ZNF512: variants seen among roughly 807,000 people sequenced by gnomAD.
The protein encoded by ZNF512 is zinc finger protein 512.
ZNF512 carries 25 observed loss-of-function variants against 77.5 expected under a neutral mutation model. The ratio of observed to expected loss-of-function variants is 0.32; its 90% CI spans 0.23 to 0.45. The LOEUF (loss-of-function observed/expected upper bound fraction) is 0.45. Ranked by LOEUF, ZNF512 falls within the 20% of genes least tolerant of loss-of-function variation. The probability of loss-of-function intolerance (pLI) is 1.00; values close to 1 mark genes in which losing one functional copy is unlikely to be tolerated. For missense variants in ZNF512, 483 were observed against 692.6 expected (o/e 0.70, Z 3.40); for synonymous variants, 246 against 239.9 (o/e 1.03, Z -0.24).
intron 2 of ZNF512, among the ~76,000 whole-genome samples, chr2:27,587,531 C>T (rs1279751956): frequency 6.6e-6 from 1 of 151,952 alleles, no homozygotes; most frequent in East Asian, 1.9e-4. Flanking sequence ...CCCACCTTGG[C>T]CTCCCAAAGT....
intron 10 of ZNF512, among the ~76,000 whole-genome samples, chr2:27,610,516 G>T (rs1285803104): frequency 8.3e-6 from 1 of 120,388 alleles, no homozygotes; most frequent in Non-Finnish European, 1.6e-5. Context: ...ATATATGTGT[G>T]TATATGTGTG....
rs748743507 is a variant in ZNF512, at chr2:27,603,157, C to T, written c.786C>T (p.Phe262=). 2.5e-6 allele frequency: 4 copies of T among 1,614,046 alleles called. No individual in the cohort carries two copies. Among genetic ancestry groups the T allele is most frequent in the African/African-American group, 1.3e-5 (1 of 74,932 alleles). ...RCMRESCSSS[F]TSIMGYLYHV... is the part of the protein sequence containing the mutation. Reference sequence around the variant, plus strand: ...CTGTTCAGAGTTGCTCCAGTAGCTTCACCAGCATCATGGGATATCTCTACC... The same window carrying T: ...CTGTTCAGAGTTGCTCCAGTAGCTTTACCAGCATCATGGGATATCTCTACC... Residue 262 remains phenylalanine, a synonymous_variant, in exon 9 of 14, where the codon TTC becomes TTT. Coordinates refer to ENST00000355467, the MANE Select transcript of ZNF512 (RefSeq NM_032434.4).
At chr2:27,619,341 T>C (rs1673026811) in intron 13 of ZNF512, among the ~76,000 whole-genome samples, 1 of 152,006 alleles carries the variant, frequency 6.6e-6, no homozygotes. Context: ...AGACGGAGGT[T>C]GCAGTGAGCC....
chr2:27,615,379 A>G lies in ZNF512; in HGVS notation c.1233+110A>G, dbSNP rs188159321. 2.9e-5 allele frequency: 19 copies of G among 650,248 alleles called. No individual in the cohort carries two copies. The Admixed American group carries it at 4.4e-4, about 15-fold the overall frequency. 40.3% of individuals were successfully genotyped at this position (650,248 alleles called of 1,614,324 possible). A position where few individuals can be genotyped will look rare whatever the true frequency, so the allele number is the denominator to read the frequency against. On this transcript the variant is annotated intron_variant, in intron 11 of 13. Transcript: ENST00000355467. Reference sequence around the variant, plus strand: ...ACCTGAACCTCAGTGGCTTAAAACAATTATTTTATTTGTTCACAATTCCAT... The same window carrying G: ...ACCTGAACCTCAGTGGCTTAAAACAGTTATTTTATTTGTTCACAATTCCAT...
chr2:27,592,233 T>G (rs1403003826), intron 2 of ZNF512, among the ~76,000 whole-genome samples: 3 of 152,182 alleles, frequency 2.0e-5, no homozygotes, highest in Non-Finnish European at 2.9e-5. Context: ...TCAAGGGATC[T>G]GCCTGCCTCA....
chr2:27,583,914 G>A (rs1671223133), intron 2 of ZNF512, among the ~76,000 whole-genome samples, 198 bp downstream of exon 2: 1 of 147,422 alleles, frequency 6.8e-6, no homozygotes, highest in South Asian at 2.3e-4. Context: ...AAGTGAGTGA[G>A]GTTTTTCTAA....
At chr2:27,604,124 A>C (rs977749228) in intron 9 of ZNF512, among the ~76,000 whole-genome samples, 1 of 151,698 alleles carries the variant, frequency 6.6e-6, no homozygotes, top group African/African-American at 2.4e-5. Context: ...ACGGGGTTTC[A>C]CCATGTTGGC....
intron 7 of ZNF512, 104 bp downstream of exon 7, chr2:27,601,546 C>T (rs1282062240): frequency 3.4e-6 from 3 of 893,536 alleles, no homozygotes; most frequent in African/African-American, 3.4e-5. Flanking sequence ...ACGATCTCGG[C>T]TTACTGCAAC....
chr2:27,590,966 A>AT (rs1271372261), intron 2 of ZNF512, among the ~76,000 whole-genome samples: 3 of 152,216 alleles, frequency 2.0e-5, no homozygotes, highest in Non-Finnish European at 4.4e-5. Context: ...TTCTTAGGAT[A>AT]TTTTCACTGA....
At chr2:27,593,367 G>A (rs915725319) in intron 2 of ZNF512, among the ~76,000 whole-genome samples, 3 of 147,298 alleles carry the variant, frequency 2.0e-5, no homozygotes, top group South Asian at 4.3e-4. Flanking sequence ...ACTCCAGCCT[G>A]AGTGACAGAG....
At chr2:27,620,357 C>CT (rs1394135443) in intron 13 of ZNF512, among the ~76,000 whole-genome samples, 1 of 152,188 alleles carries the variant, frequency 6.6e-6, no homozygotes, top group African/African-American at 2.4e-5. Context: ...GCTTCCTCTT[C>CT]TTTTTTACAA....
chr2:27,587,077 T>C (rs1671362059), intron 2 of ZNF512, among the ~76,000 whole-genome samples: 1 of 152,192 alleles, frequency 6.6e-6, no homozygotes, highest in South Asian at 2.1e-4. Context: ...TTGATAAATA[T>C]CTAAGATGGT....
chr2:27,585,069 G>A (rs1408652308), intron 2 of ZNF512, among the ~76,000 whole-genome samples: 2 of 152,192 alleles, frequency 1.3e-5, no homozygotes, highest in Non-Finnish European at 2.9e-5. Flanking sequence ...CAGGGAATAC[G>A]TAGGGAACAA....
At chr2:27,607,665 GC>G (rs1321802767) in intron 9 of ZNF512, among the ~76,000 whole-genome samples, 179 bp from the exon 10 acceptor site, 1 of 152,152 alleles carries the variant, frequency 6.6e-6, no homozygotes, top group Non-Finnish European at 1.5e-5. Flanking sequence ...ACCACGCCTG[GC>G]CCTAAGAAGC....
intron 2 of ZNF512, among the ~76,000 whole-genome samples, chr2:27,594,759 C>G (rs1671775832): frequency 6.6e-6 from 1 of 152,164 alleles, no homozygotes; most frequent in Non-Finnish European, 1.5e-5. Context: ...AGTCTTAGCA[C>G]TTTGGGAGGC....
intron 2 of ZNF512, among the ~76,000 whole-genome samples, chr2:27,594,932 C>T (rs1314545799): frequency 6.6e-6 from 1 of 152,216 alleles, no homozygotes; most frequent in Admixed American, 6.5e-5. Context: ...AGCTGGAGAC[C>T]AGCCTGGTCA....
rs768076559 is a variant in ZNF512, at chr2:27,607,556, C to A, written c.937-289C>A. ...CTAATTTTTATGTTTTTAGTAGAGA[C>A]AGGGTTTCACCATGTTAGCCAGGCT... On this transcript the variant is annotated intron_variant, in intron 9 of 13. Transcript: ENST00000355467. Among the ~76,000 whole-genome samples the A allele has an allele frequency of 5.9e-5, 9 of 152,096 alleles. 1 individual carries two copies. The highest frequency in any genetic ancestry group is 1.2e-4 in the Non-Finnish European group (8 of 68,028).
At position 27,615,080 on chromosome 2, in the gene ZNF512, A is replaced by G. The variant is rs535305806; in HGVS notation, c.1132-88A>G. 78 of 756,730 alleles carry G rather than the reference A, an allele frequency of 1.0e-4. 1 individual carries two copies. In the South Asian group the frequency reaches 1.3e-3, roughly 12 times the overall value. 46.9% of individuals were successfully genotyped at this position (756,730 alleles called of 1,614,324 possible). On this transcript the variant is annotated intron_variant, in intron 10 of 13. Coordinates refer to ENST00000355467, the MANE Select transcript of ZNF512 (RefSeq NM_032434.4). ...ACAAGAGTATAGATTTCAGAATTAT[A>G]TAACCTAAAGAGTTGGGTGTGAAAC...
At chr2:27,609,143 G>T (rs1672495742) in intron 10 of ZNF512, among the ~76,000 whole-genome samples, 1 of 151,012 alleles carries the variant, frequency 6.6e-6, no homozygotes, top group Non-Finnish European at 1.5e-5. Context: ...AAGAAAAGAA[G>T]GTCAAACCCT....
Sources: allele counts gnomAD v4.1 joint callset (sites outside exome capture counted in the v4.1 genomes callset), GRCh38; gene constraint gnomAD v4.1.1; transcripts MANE v1.5; gene names NCBI Gene and HGNC (gene_info 2026-07-23, HGNC 2026-07-21).